TMEM183A: variants seen among roughly 807,000 people sequenced by gnomAD.
TMEM183A encodes chromosome 1 open reading frame 37.
Under a neutral mutation model 46.7 loss-of-function variants are expected in TMEM183A, and 21 were observed. The observed-to-expected ratio is 0.45, with a 90% CI of 0.32 to 0.65. TMEM183A has a LOEUF of 0.65. Among genes scored for constraint, TMEM183A ranks in the 30% least tolerant of loss-of-function variants. The pLI is 0.04. For synonymous variants in TMEM183A, 165 were observed against 180.2 expected, an observed-to-expected ratio of 0.92 and a Z score of 0.68; for missense variants, 331 against 481.9, an observed-to-expected ratio of 0.69 and a Z score of 2.93.
intron 3 of TMEM183A, 22 bp from the exon 4 acceptor site, chr1:203,014,867 A>T (rs371201518): frequency 6.2e-7 from 1 of 1,612,648 alleles, no homozygotes; most frequent in African/African-American, 1.3e-5. Flanking sequence ...AAGATCAGAG[A>T]TTATTCTTTT....
intron 7 of TMEM183A, among the ~76,000 whole-genome samples, chr1:203,021,192 C>G (rs115711285): frequency 8.7e-4 from 133 of 152,138 alleles, no homozygotes; most frequent in African/African-American, 3.2e-3. Context: ...ACCACCACCC[C>G]TAGCTAATTT....
intron 3 of TMEM183A, among the ~76,000 whole-genome samples, chr1:203,012,185 CGGTTATTTTGAA>C (rs1656690280): frequency 4.4e-5 from 5 of 114,892 alleles, no homozygotes; most frequent in Admixed American, 9.3e-5. Flanking sequence ...CACACACACA[CGGTTATTTTGAA>C]ACGGCCATTT....
At chr1:203,016,162 G>A in intron 5 of TMEM183A, 22 bp downstream of exon 5, 3 of 1,613,904 alleles carry the variant, frequency 1.9e-6, no homozygotes, top group Middle Eastern at 1.6e-4. Flanking sequence ...TTTGTGTTGG[G>A]GTTTGACTAA....
Position 203,024,571 on chromosome 1 carries a change from G to C in TMEM183A, c.*1531G>C, listed in dbSNP as rs1327725209. ...CTGCTAACAGCTAACCTTATCCCAC[G>C]TTGAGGGTGGTATTAAAACTGTTCA... is the stretch of plus-strand genomic sequence containing the variant. On this transcript the variant is annotated 3_prime_UTR_variant, in exon 8 of 8. Transcript: ENST00000367242. The C allele has an allele frequency of 6.6e-6, 1 of 150,600 alleles. No individual in the cohort carries two copies. The highest frequency in any genetic ancestry group is 1.5e-5 in the Non-Finnish European group (1 of 67,854). The allele number at this position is 150,600 out of a possible 1,614,324, so 9.3% of individuals were successfully genotyped here.
intron 5 of TMEM183A, 41 bp downstream of exon 5, chr1:203,016,181 T>C: frequency 6.2e-7 from 1 of 1,612,880 alleles, no homozygotes; most frequent in Non-Finnish European, 8.5e-7. Context: ...AATGAACTCT[T>C]GTATGGTAGG....
chr1:203,024,705 C>CT lies in TMEM183A; in HGVS notation c.*1668dup, dbSNP rs886652398. On this transcript the variant is annotated 3_prime_UTR_variant, in exon 8 of 8. Transcript: ENST00000367242. The stretch of plus-strand genomic sequence containing the variant: ...AGATCTCTACAATTAAAAGTTGCCT[C>CT]TTTGAGGCAGGAGGGGAGAAGCACA... 3.9e-5 allele frequency: 6 copies of CT among 152,302 alleles called. No individual in the cohort carries two copies. Among genetic ancestry groups the CT allele is most frequent in the African/African-American group, 1.4e-4 (6 of 41,550 alleles). The allele number at this position is 152,302 out of a possible 1,614,324, so 9.4% of individuals were successfully genotyped here. A position where few individuals can be genotyped will look rare whatever the true frequency, so the allele number is the denominator to read the frequency against.
At chr1:203,012,055 GTT>G (rs566090330) in intron 3 of TMEM183A, among the ~76,000 whole-genome samples, 3 of 149,750 alleles carry the variant, frequency 2.0e-5, no homozygotes, top group Non-Finnish European at 1.5e-5. Context: ...CTATTAAAAA[GTT>G]TTTTTTCTCT....
At chr1:203,022,712 A>C (rs1657814057) in intron 7 of TMEM183A, 143 bp from the exon 8 acceptor site, 1 of 1,267,568 alleles carries the variant, frequency 7.9e-7, no homozygotes, top group Non-Finnish European at 1.1e-6. Context: ...CAAAAAAAAA[A>C]AAAAAAGGTG....
In TMEM183A at chr1:203,015,363, C is replaced by G. The variant is rs59277778; in HGVS notation, c.527+315C>G. 4.1e-3 allele frequency: 1,472 copies of G among 359,016 alleles called. 17 individuals carry two copies. Among genetic ancestry groups the G allele is most frequent in the African/African-American group, 0.029 (1,387 of 47,834 alleles). The allele number at this position is 359,016 out of a possible 1,614,324, so 22.2% of individuals were successfully genotyped here. A position where few individuals can be genotyped will look rare whatever the true frequency, so the allele number is the denominator to read the frequency against. On this transcript the variant is annotated intron_variant, in intron 4 of 7. Coordinates refer to ENST00000367242, the MANE Select transcript of TMEM183A (RefSeq NM_138391.6). Reference sequence around the variant, plus strand: ...CTTATTTTAGCTAGAATGTTTAAAGCTACAGATGCCTATCTGCTCATCTTT... The same window carrying G: ...CTTATTTTAGCTAGAATGTTTAAAGGTACAGATGCCTATCTGCTCATCTTT...
rs76184433 is a variant in TMEM183A at position 203,017,413 on chromosome 1, G to C, written c.709-1068G>C. On this transcript the variant is annotated intron_variant, in intron 5 of 7. Coordinates refer to ENST00000367242, the MANE Select transcript of TMEM183A (RefSeq NM_138391.6). The stretch of plus-strand genomic sequence containing the variant: ...CATCTTAGCGGCTCCAGTGCACAAT[G>C]CAAGTGCTACTGCCTAAATTCTAAA... Among the ~76,000 whole-genome samples, 543 of 152,276 alleles carry C rather than the reference G, an allele frequency of 3.6e-3. 1 individual carries two copies. The highest frequency in any genetic ancestry group is 5.5e-3 in the Non-Finnish European group (372 of 68,030).
chr1:203,017,264 C>A (rs568493287), intron 5 of TMEM183A, among the ~76,000 whole-genome samples: 2 of 152,102 alleles, frequency 1.3e-5, no homozygotes, highest in African/African-American at 2.4e-5. Flanking sequence ...CCCTTTCCCC[C>A]AAAACATTTG....
intron 6 of TMEM183A, 125 bp from the exon 7 acceptor site, chr1:203,020,668 A>AT (rs1248760310): frequency 8.2e-7 from 1 of 1,212,544 alleles, no homozygotes; most frequent in East Asian, 2.4e-5. Context: ...AGAAACATGT[A>AT]TAAAGAGAGA....
rs939514492 is a variant in TMEM183A at position 203,023,448 on chromosome 1, G to A, written c.*408G>A. On this transcript the variant is annotated 3_prime_UTR_variant, in exon 8 of 8. Transcript: ENST00000367242. ...TAGAGGCCTGAAATTGTTGCTTCCA[G>A]TTTAGCTGCCCCTCAAATTCAAGTG... 6.5e-6 allele frequency: 1 copy of A among 152,860 alleles called. No individual in the cohort carries two copies. The highest frequency in any genetic ancestry group is 2.4e-5 in the African/African-American group (1 of 41,358). 9.5% of individuals were successfully genotyped at this position (152,860 alleles called of 1,614,324 possible).
rs776018273 is a variant in TMEM183A, at chr1:203,020,855, T to G, written c.852T>G (p.Val284=). 1.6e-5 allele frequency: 26 copies of G among 1,613,918 alleles called. No individual in the cohort carries two copies. The East Asian group carries it at 5.8e-4, about 36-fold the overall frequency. Residue 284 remains valine (V), a synonymous_variant, in exon 7 of 8, where the codon GTT becomes GTG. Coordinates refer to ENST00000367242, the MANE Select transcript of TMEM183A (RefSeq NM_138391.6). The stretch of plus-strand genomic sequence containing the variant: ...AGCCTCCCGTTCAGTACGAAGATGT[T>G]CATACCAATCCAGACCAGGACTGCT... ...GLQPPVQYED[V]HTNPDQDCCL...
intron 5 of TMEM183A, 103 bp from the exon 6 acceptor site, chr1:203,018,370 GGCTTTAGA>G: frequency 8.0e-7 from 1 of 1,246,514 alleles, no homozygotes; most frequent in Non-Finnish European, 1.1e-6. Flanking sequence ...GACCGTGGCT[GGCTTTAGA>G]GCTGTCAAAC....
chr1:203,007,735 GAGA>G (rs1558033465), intron 1 of TMEM183A, 36 bp from the exon 2 acceptor site: 1 of 1,609,816 alleles, frequency 6.2e-7, no homozygotes, highest in Admixed American at 1.7e-5. Context: ...ACGCTGACGA[GAGA>G]AGGCCTCTTC....
Position 203,024,490 on chromosome 1 carries a change from T to G in TMEM183A, c.*1450T>G, listed in dbSNP as rs1006660848. On this transcript the variant is annotated 3_prime_UTR_variant, in exon 8 of 8. Transcript: ENST00000367242. Reference sequence around the variant, plus strand: ...AACTGCTAAATTCACATTTTTGTTTTTTTTTTTTTACCATCTTCCCTAGGA... The same window carrying G: ...AACTGCTAAATTCACATTTTTGTTTGTTTTTTTTTACCATCTTCCCTAGGA... The G allele has an allele frequency of 3.3e-5, 5 of 151,902 alleles. No homozygotes were observed. Among genetic ancestry groups the G allele is most frequent in the Non-Finnish European group, 7.4e-5 (5 of 67,964 alleles). The allele number at this position is 151,902 out of a possible 1,614,324, so 9.4% of individuals were successfully genotyped here.
rs145569351 is a variant in TMEM183A, at chr1:203,014,810, A to G, written c.368-79A>G. ...AACCATTTTCTTAACTGTGCAATCAATCCTTGGGAGAAATGAAATTATCGA... is the reference window on the plus strand; with the variant it reads ...AACCATTTTCTTAACTGTGCAATCAGTCCTTGGGAGAAATGAAATTATCGA... On this transcript the variant is annotated intron_variant, in intron 3 of 7. Transcript: ENST00000367242. 1.3e-3 allele frequency: 2,046 copies of G among 1,560,900 alleles called. 22 individuals carry two copies. The African/African-American group carries it at 0.021, about 16-fold the overall frequency.
rs760661763 is a variant in TMEM183A at position 203,022,934 on chromosome 1, G to A, written c.1025G>A (p.Arg342Gln). 5.6e-6 allele frequency: 9 copies of A among 1,612,856 alleles called. No homozygotes were observed. The Admixed American group carries it at 8.4e-5, about 15-fold the overall frequency. Residue 342 changes from arginine to glutamine, a missense_variant, in exon 8 of 8, where the codon CGG (arginine) becomes CAG (glutamine). Physicochemically the swap from Arg to Gln is conservative, Grantham distance 43. Transcript: ENST00000367242. ...VFQDSPVHGGRKLRSEQGVQV... is the reference protein window; with the variant it reads ...VFQDSPVHGGQKLRSEQGVQV... ...CAAGATTCCCCTGTCCATGGTGGTC[G>A]GAAACTGCGCAGTGAACAGGGTGTG...
Sources: gnomAD v4.1 joint callset for allele counts (sites outside exome capture counted in the v4.1 genomes callset) on GRCh38, gnomAD v4.1.1 for gene constraint, MANE v1.5 for transcripts, NCBI Gene and HGNC (gene_info 2026-07-23, HGNC 2026-07-21) for gene names.